PGCKA1: variants seen among roughly 807,000 people sequenced by gnomAD.
PGCKA1 encodes PDCD10 and GCKIII kinases associated 1, also known as PDCD10 and GCKIII kinases-associated protein 1.
At chr4:37,495,846 A>G in the PGCKA1 span, among the ~76,000 whole-genome samples, 1 of 151,948 alleles carries the variant, frequency 6.6e-6, no homozygotes, top group Non-Finnish European at 1.5e-5. Context: ...CCCAGAACTT[A>G]AAGTATAATT....
chr4:37,544,749 T>G, the PGCKA1 span, among the ~76,000 whole-genome samples: 2 of 152,020 alleles, frequency 1.3e-5, no homozygotes, highest in Non-Finnish European at 2.9e-5. Context: ...GGTTGGGGGT[T>G]GGTTTTTTGT....
chr4:37,554,615 TG>T, the PGCKA1 span, among the ~76,000 whole-genome samples: 4 of 152,218 alleles, frequency 2.6e-5, no homozygotes, highest in Non-Finnish European at 5.9e-5. Flanking sequence ...CCCAAAGTGC[TG>T]GGATTACAGG....
At chr4:37,526,165 C>T in the PGCKA1 span, among the ~76,000 whole-genome samples, 12 of 152,270 alleles carry the variant, frequency 7.9e-5, no homozygotes, top group South Asian at 6.2e-4. Flanking sequence ...GAATTCAGCA[C>T]CATCTTGTTT....
the PGCKA1 span, among the ~76,000 whole-genome samples, chr4:37,504,633 GCT>G: frequency 6.6e-6 from 1 of 152,010 alleles, no homozygotes; most frequent in Non-Finnish European, 1.5e-5. Flanking sequence ...TCATTGTAGA[GCT>G]CTTTCACTTC....
At chr4:37,463,819 A>G in the PGCKA1 span, among the ~76,000 whole-genome samples, 1 of 152,138 alleles carries the variant, frequency 6.6e-6, no homozygotes, top group African/African-American at 2.4e-5. Flanking sequence ...CCAAAAAAAA[A>G]AAAAACTAAA....
the PGCKA1 span, among the ~76,000 whole-genome samples, chr4:37,469,768 T>C: frequency 6.6e-6 from 1 of 152,228 alleles, no homozygotes; most frequent in Admixed American, 6.5e-5. Context: ...CTGAATTTTC[T>C]AGTGAAATGC....
At chr4:37,507,822 T>G in the PGCKA1 span, among the ~76,000 whole-genome samples, 51,016 of 152,028 alleles carry the variant, frequency 0.34, 9,291 homozygotes, top group South Asian at 0.44. Flanking sequence ...CTTTTCTTTC[T>G]GATTGAAATA....
chr4:37,547,979 A>G, the PGCKA1 span, among the ~76,000 whole-genome samples: 18 of 150,558 alleles, frequency 1.2e-4, no homozygotes, highest in African/African-American at 4.1e-4. Flanking sequence ...TTCTCTTTAA[A>G]AAAAAAAAAA....
chr4:37,566,487 G>T, the PGCKA1 span, among the ~76,000 whole-genome samples: 2 of 152,064 alleles, frequency 1.3e-5, no homozygotes, highest in African/African-American at 4.8e-5. Context: ...CACCATGTTG[G>T]CCAGGCTGGT....
chr4:37,573,157 G>A, the PGCKA1 span, among the ~76,000 whole-genome samples: 2 of 152,098 alleles, frequency 1.3e-5, no homozygotes, highest in East Asian at 1.9e-4. Flanking sequence ...AATTCTGTAC[G>A]TGTTTGCATT....
chr4:37,545,158 G>T, the PGCKA1 span, among the ~76,000 whole-genome samples: 3 of 152,154 alleles, frequency 2.0e-5, no homozygotes, highest in Admixed American at 6.5e-5. Context: ...GCCTGGCCAG[G>T]TTGCTTGGTT....
At chr4:37,577,677 G>C in the PGCKA1 span, among the ~76,000 whole-genome samples, 1 of 151,960 alleles carries the variant, frequency 6.6e-6, no homozygotes, top group East Asian at 1.9e-4. Context: ...GTTTATGTAG[G>C]CCTGTATAGG....
chr4:37,486,024 T>A, the PGCKA1 span, among the ~76,000 whole-genome samples: 1 of 152,206 alleles, frequency 6.6e-6, no homozygotes, highest in South Asian at 2.1e-4. Context: ...CAGAATAAGT[T>A]AATTTGAGAC....
the PGCKA1 span, among the ~76,000 whole-genome samples, chr4:37,529,183 A>C: frequency 6.6e-6 from 1 of 152,212 alleles, no homozygotes; most frequent in African/African-American, 2.4e-5. Flanking sequence ...ATGTTACCTA[A>C]AGTCCTTATG....
At chr4:37,491,769 T>G in the PGCKA1 span, among the ~76,000 whole-genome samples, 6 of 152,156 alleles carry the variant, frequency 3.9e-5, no homozygotes, top group African/African-American at 1.4e-4. Flanking sequence ...TCTGTGGGTT[T>G]TTATTTTGTT....
the PGCKA1 span, among the ~76,000 whole-genome samples, chr4:37,454,938 G>A: frequency 1.3e-5 from 2 of 152,206 alleles, no homozygotes; most frequent in African/African-American, 4.8e-5. Flanking sequence ...TTTAGAGAAA[G>A]TTTGTGCTCC....
At chr4:37,563,312 C>T in the PGCKA1 span, among the ~76,000 whole-genome samples, 7 of 152,266 alleles carry the variant, frequency 4.6e-5, no homozygotes, top group South Asian at 1.0e-3. Context: ...TCGGCAAATT[C>T]GATTCCCGGG....
At chr4:37,468,617 C>G in the PGCKA1 span, among the ~76,000 whole-genome samples, 2 of 152,164 alleles carry the variant, frequency 1.3e-5, no homozygotes, top group Non-Finnish European at 2.9e-5. Context: ...TCTCTGCCTC[C>G]CATTTTGCAA....
At chr4:37,497,487 A>T in the PGCKA1 span, among the ~76,000 whole-genome samples, 1 of 152,126 alleles carries the variant, frequency 6.6e-6, no homozygotes. Flanking sequence ...ACTAGTTTAC[A>T]TTCCCACCAG....
Sources: gnomAD v4.1 joint callset for allele counts (sites outside exome capture counted in the v4.1 genomes callset) on GRCh38, gnomAD v4.1.1 for gene constraint, MANE v1.5 for transcripts, NCBI Gene and HGNC (gene_info 2026-07-23, HGNC 2026-07-21) for gene names.